The following SLC1A1 variants were observed in gnomAD, a reference collection of about 807,000 sequenced individuals.
SLC1A1 encodes the protein solute carrier family 1 member 1.
A neutral mutation model predicts 53.3 loss-of-function variants in SLC1A1; 43 were observed. That is an observed-to-expected ratio of 0.81 (90% CI 0.63 to 1.04). The LOEUF is 1.04. Ranked by LOEUF, SLC1A1 falls within the 50% of genes least tolerant of loss-of-function variation. SLC1A1 has a pLI of 0.00. For missense variants in SLC1A1, 748 were observed against 664.9 expected, an observed-to-expected ratio of 1.12 and a Z score of -1.37; for synonymous variants, 307 against 243.2, an observed-to-expected ratio of 1.26 and a Z score of -2.44.
intron 1 of SLC1A1, among the ~76,000 whole-genome samples, chr9:4,523,045 T>C (rs1211144381): frequency 2.6e-5 from 4 of 152,218 alleles, no homozygotes; most frequent in Non-Finnish European, 4.4e-5. Flanking sequence ...GATAGGTACC[T>C]ATTTGTGTTT....
chr9:4,530,478 C>A (rs1185629332), intron 1 of SLC1A1, among the ~76,000 whole-genome samples: 3 of 152,188 alleles, frequency 2.0e-5, no homozygotes, highest in Non-Finnish European at 4.4e-5. Context: ...AGTCATGTGT[C>A]AGAGAAAACT....
chr9:4,574,324 C>T (rs529232034), intron 8 of SLC1A1, among the ~76,000 whole-genome samples: 16 of 152,312 alleles, frequency 1.1e-4, no homozygotes, highest in Non-Finnish European at 1.9e-4. Flanking sequence ...TTGGCTCTCT[C>T]CTGGCCTTCA....
At chr9:4,545,189 G>GTCTCCCTCTCTCTCTCTCTCTCTCTC (rs1554681237) in intron 2 of SLC1A1, among the ~76,000 whole-genome samples, 2 of 130,906 alleles carry the variant, frequency 1.5e-5, no homozygotes, top group African/African-American at 5.7e-5. Context: ...TACATTAGAT[G>GTCTCCCTCTCTCTCTCTCTCTCTCTC]TCTCTCTCTC....
intron 1 of SLC1A1, among the ~76,000 whole-genome samples, chr9:4,498,937 A>T (rs1161246809): frequency 2.0e-5 from 3 of 146,488 alleles, no homozygotes; most frequent in Non-Finnish European, 4.5e-5. Context: ...TGTATGTATT[A>T]TATACATAAT....
chr9:4,537,587 AT>A (rs1355338333), intron 1 of SLC1A1, among the ~76,000 whole-genome samples: 458 of 31,486 alleles, frequency 0.015, 82 homozygotes, highest in Middle Eastern at 0.057. Context: ...ATAAAATAAA[AT>A]AAAATAAAAT....
chr9:4,571,142 A>G (rs1819996660), intron 6 of SLC1A1, among the ~76,000 whole-genome samples: 1 of 152,182 alleles, frequency 6.6e-6, no homozygotes, highest in Non-Finnish European at 1.5e-5. Flanking sequence ...CAGAAAACCA[A>G]ATACTGCCTG....
intron 1 of SLC1A1, among the ~76,000 whole-genome samples, chr9:4,542,787 C>A (rs1424711537): frequency 1.3e-5 from 2 of 152,094 alleles, no homozygotes; most frequent in Non-Finnish European, 2.9e-5. Flanking sequence ...ACTTTGAATT[C>A]TTGGTGTTCT....
At chr9:4,581,137 A>G (rs1586862963) in intron 10 of SLC1A1, among the ~76,000 whole-genome samples, 4 of 152,202 alleles carry the variant, frequency 2.6e-5, no homozygotes, top group African/African-American at 9.6e-5. Context: ...AAGAAATGCC[A>G]TCAGTAAAAT....
intron 1 of SLC1A1, among the ~76,000 whole-genome samples, chr9:4,526,008 GA>G (rs1274402924): frequency 2.6e-5 from 4 of 152,084 alleles, no homozygotes; most frequent in African/African-American, 9.7e-5. Context: ...TGCATATACT[GA>G]AAAACAAAAA....
chr9:4,550,791 G>T (rs969340762), intron 2 of SLC1A1, among the ~76,000 whole-genome samples: 3 of 152,144 alleles, frequency 2.0e-5, no homozygotes, highest in Admixed American at 6.5e-5. Flanking sequence ...ATGTGAGTTG[G>T]TTGCCTTTCA....
Position 4,490,747 on chromosome 9 carries a change from C to T in SLC1A1, c.68C>T (p.Ser23Phe), listed in dbSNP as rs770393000. The T allele has an allele frequency of 6.2e-7, 1 of 1,612,444 alleles. No individual in the cohort carries two copies. Among genetic ancestry groups the T allele is most frequent in the Non-Finnish European group, 8.5e-7 (1 of 1,178,944 alleles). ...RFLKNNWVLL[S>F]TVAAVVLGIT... ...CTGAAGAATAACTGGGTGTTGCTGTCCACCGTGGCCGCGGTGGTGCTAGGT... is the reference window on the plus strand; with the variant it reads ...CTGAAGAATAACTGGGTGTTGCTGTTCACCGTGGCCGCGGTGGTGCTAGGT... The change falls in exon 1 of 12, where the codon TCC (serine) becomes TTC (phenylalanine). Residue 23 changes from serine to phenylalanine, a missense_variant. Ser to Phe is a radical substitution (Grantham distance 155). Coordinates refer to ENST00000262352, the MANE Select transcript of SLC1A1 (RefSeq NM_004170.6).
At chr9:4,501,642 T>A (rs1453079616) in intron 1 of SLC1A1, among the ~76,000 whole-genome samples, 4 of 151,574 alleles carry the variant, frequency 2.6e-5, no homozygotes, top group African/African-American at 9.8e-5. Context: ...TGCATGCCTG[T>A]AATCCCAGCT....
chr9:4,570,761 A>C (rs1443328642), intron 6 of SLC1A1, among the ~76,000 whole-genome samples: 17 of 152,040 alleles, frequency 1.1e-4, no homozygotes. Context: ...TGAAGAAATT[A>C]AGCCAGGCAT....
intron 1 of SLC1A1, among the ~76,000 whole-genome samples, chr9:4,530,949 G>T (rs1363221214): frequency 6.6e-6 from 1 of 152,202 alleles, no homozygotes; most frequent in South Asian, 2.1e-4. Context: ...GCTAGGAAAA[G>T]TCAGCAACAT....
intron 4 of SLC1A1, among the ~76,000 whole-genome samples, chr9:4,565,082 T>C (rs1819352481): frequency 6.6e-6 from 1 of 152,222 alleles, no homozygotes; most frequent in Non-Finnish European, 1.5e-5. Context: ...CTTTTAGACA[T>C]TGCAAAGAAA....
chr9:4,533,972 C>T (rs370369221), intron 1 of SLC1A1, among the ~76,000 whole-genome samples: 5 of 152,150 alleles, frequency 3.3e-5, no homozygotes, highest in African/African-American at 9.6e-5. Flanking sequence ...GGGTACATAA[C>T]GAAATGAAGG....
At position 4,583,321 on chromosome 9, in the gene SLC1A1, T is replaced by C; in HGVS notation, c.1328+149T>C. 2.0e-6 allele frequency: 2 copies of C among 987,098 alleles called. No homozygotes were observed. The highest frequency in any genetic ancestry group is 3.2e-6 in the Non-Finnish European group (2 of 629,704). The allele number at this position is 987,098 out of a possible 1,614,324, so 61.1% of individuals were successfully genotyped here. ...ATTTTCCTCTGACCAGGCCATCTGA[T>C]AACATGCCTAAAAATTAACTCCTCA... On this transcript the variant is annotated intron_variant, in intron 11 of 11. Coordinates refer to ENST00000262352, the MANE Select transcript of SLC1A1 (RefSeq NM_004170.6). The surrounding 1 kb of genome is among the most constrained non-coding windows in gnomAD (Gnocchi z 4.6).
intron 1 of SLC1A1, among the ~76,000 whole-genome samples, chr9:4,517,394 A>G (rs1194268642): frequency 1.3e-5 from 2 of 152,202 alleles, no homozygotes; most frequent in Admixed American, 1.3e-4. Context: ...ACAATTTCTC[A>G]GTGGCAGGAG....
At chr9:4,512,504 T>C (rs893418738) in intron 1 of SLC1A1, among the ~76,000 whole-genome samples, 2 of 151,486 alleles carry the variant, frequency 1.3e-5, no homozygotes, top group African/African-American at 4.9e-5. Flanking sequence ...TGAGATCCTG[T>C]CTCCAAAAAA....
Sources: allele counts gnomAD v4.1 joint callset (sites outside exome capture counted in the v4.1 genomes callset), GRCh38; gene constraint gnomAD v4.1.1; non-coding constraint Gnocchi (gnomAD v3.1); transcripts MANE v1.5; gene names NCBI Gene and HGNC (gene_info 2026-07-23, HGNC 2026-07-21).